The following DAB1 variants were observed in gnomAD, a reference collection of about 807,000 sequenced individuals.
The protein encoded by DAB1 is DAB adaptor protein 1, also known as disabled homolog 1.
A neutral mutation model predicts 64.6 loss-of-function variants in DAB1; 15 were observed. The observed-to-expected ratio is 0.23, with a 90% confidence interval of 0.16 to 0.36. The LOEUF is 0.36. DAB1 is among the 10% of genes least tolerant of loss of function. DAB1 has a pLI of 1.00. For missense variants in DAB1, 596 were observed against 706.7 expected (o/e 0.84, Z 1.78); for synonymous variants, 235 against 251.9 (o/e 0.93, Z 0.64).
chr1:57,796,064 A>G (rs1650847668), intron 6 of DAB1, among the ~76,000 whole-genome samples: 1 of 152,058 alleles, frequency 6.6e-6, no homozygotes, highest in South Asian at 2.1e-4. Context: ...ATAAAATGTA[A>G]TTTATTTATT....
chr1:58,509,759 A>G (rs193159584), intron 2 of DAB1, among the ~76,000 whole-genome samples: 60 of 151,074 alleles, frequency 4.0e-4, no homozygotes, highest in Non-Finnish European at 7.2e-4. Flanking sequence ...TTAGAGTAAG[A>G]AAAAAAAAGA....
intron 4 of DAB1, among the ~76,000 whole-genome samples, chr1:58,287,397 C>T (rs769892921): frequency 2.6e-5 from 4 of 152,212 alleles, no homozygotes; most frequent in Non-Finnish European, 4.4e-5. Context: ...TAACTGGGCT[C>T]AGCTGGGTGG....
intron 3 of DAB1, among the ~76,000 whole-genome samples, chr1:58,426,846 G>A (rs1644825631): frequency 6.6e-6 from 1 of 152,180 alleles, no homozygotes; most frequent in Non-Finnish European, 1.5e-5. Flanking sequence ...GGTGATAAGT[G>A]CTATGGAAAA....
intron 11 of DAB1, among the ~76,000 whole-genome samples, chr1:57,017,850 ACT>A (rs1191650203): frequency 6.6e-6 from 1 of 151,394 alleles, no homozygotes; most frequent in African/African-American, 2.4e-5. Flanking sequence ...GAATCCGGCA[ACT>A]CTGTCTTGTT....
intron 4 of DAB1, among the ~76,000 whole-genome samples, chr1:58,286,683 G>C (rs1196487961): frequency 6.6e-6 from 1 of 152,208 alleles, no homozygotes; most frequent in Non-Finnish European, 1.5e-5. Context: ...TGCTGGCATG[G>C]CTGTGAAGAA....
rs547566153 is a variant in DAB1 at position 57,847,541 on chromosome 1, G to T, written n.88-21086C>A. 3.3e-5 allele frequency among the ~76,000 whole-genome samples: 5 copies of T among 152,126 alleles called. No individual in the cohort carries two copies. The South Asian group carries it at 1.0e-3, about 32-fold the overall frequency. On this transcript the variant is annotated intron_variant and non_coding_transcript_variant, in intron 1 of 1. Coordinates refer to the DAB1 transcript ENST00000477280. ...GTAAAAGAAAAATGAGAGAGAAAAG[G>T]GGAATTGGTGAAAGCTAGGCAAATA...
At chr1:57,226,785 A>T (rs572089012) in intron 2 of DAB1, among the ~76,000 whole-genome samples, 140 of 151,602 alleles carry the variant, frequency 9.2e-4, no homozygotes, top group African/African-American at 3.3e-3. Context: ...TCAGCAGTGG[A>T]ACAAGGATGA....
chr1:57,285,043 C>T (rs1438347528), intron 2 of DAB1, among the ~76,000 whole-genome samples: 1 of 152,142 alleles, frequency 6.6e-6, no homozygotes, highest in African/African-American at 2.4e-5. Flanking sequence ...CTTTTTGTCA[C>T]TGTCATTGTG....
At chr1:57,112,135 A>T (rs1469185363) in intron 4 of DAB1, among the ~76,000 whole-genome samples, 1 of 152,248 alleles carries the variant, frequency 6.6e-6, no homozygotes, top group Non-Finnish European at 1.5e-5. Context: ...AAAAGAAACA[A>T]ACATGGAAAG....
intron 3 of DAB1, among the ~76,000 whole-genome samples, chr1:58,391,540 C>G (rs1644475986): frequency 6.6e-6 from 1 of 152,242 alleles, no homozygotes; most frequent in Admixed American, 6.5e-5. Context: ...TAACATTCCT[C>G]CAGTACACAT....
chr1:57,381,564 T>G (rs1681379004), intron 1 of DAB1, among the ~76,000 whole-genome samples: 2 of 152,186 alleles, frequency 1.3e-5, no homozygotes, highest in Admixed American at 1.3e-4. Flanking sequence ...ATCTCTATTT[T>G]GTTCAGGTCC....
At chr1:57,417,742 C>T (rs912554598) in intron 1 of DAB1, among the ~76,000 whole-genome samples, 3 of 152,104 alleles carry the variant, frequency 2.0e-5, no homozygotes, top group Admixed American at 2.0e-4. Context: ...ATTAGTGTTT[C>T]CTGGGACACA....
At chr1:57,862,489 G>A (rs1334620244) in intron 1 of DAB1, 3 of 152,116 alleles carry the variant, frequency 2.0e-5, no homozygotes, top group Admixed American at 6.6e-5. Context: ...AAACTGCTCC[G>A]CTTAGGGAAC....
At chr1:58,502,378 A>G (rs1005219905) in intron 3 of DAB1, among the ~76,000 whole-genome samples, 1 of 152,128 alleles carries the variant, frequency 6.6e-6, no homozygotes, top group African/African-American at 2.4e-5. Flanking sequence ...CTTTTTCTCT[A>G]ATCACTTCCT....
chr1:57,372,280 T>G (rs891889402), intron 1 of DAB1, among the ~76,000 whole-genome samples: 3 of 152,212 alleles, frequency 2.0e-5, no homozygotes, highest in African/African-American at 7.2e-5. Flanking sequence ...GAGAGAATGG[T>G]GCCCAAGTCT....
At chr1:58,136,262 C>A (rs1653937974) in intron 5 of DAB1, among the ~76,000 whole-genome samples, 1 of 152,130 alleles carries the variant, frequency 6.6e-6, no homozygotes, top group Non-Finnish European at 1.5e-5. Flanking sequence ...GGGGCCTTCT[C>A]CACCCACCAC....
intron 1 of DAB1, chr1:57,876,925 T>C (rs1644057085): frequency 6.6e-6 from 1 of 151,900 alleles, no homozygotes; most frequent in South Asian, 2.1e-4. Context: ...GGGATAGGGA[T>C]TGGAAATGAA....
At chr1:57,368,908 C>T (rs966711674) in intron 1 of DAB1, among the ~76,000 whole-genome samples, 5 of 152,164 alleles carry the variant, frequency 3.3e-5, no homozygotes, top group African/African-American at 1.2e-4. Context: ...TCACTTCCAA[C>T]CTCCCAGACC....
intron 7 of DAB1, among the ~76,000 whole-genome samples, chr1:57,486,958 TA>T (rs566217948): frequency 0.01 from 1,414 of 135,890 alleles, 16 homozygotes; most frequent in African/African-American, 0.027. Flanking sequence ...AATTAAAAAT[TA>T]AAAAAAAAAA....
Sources: allele counts gnomAD v4.1 joint callset (sites outside exome capture counted in the v4.1 genomes callset), GRCh38; gene constraint gnomAD v4.1.1; transcripts MANE v1.5; gene names NCBI Gene and HGNC (gene_info 2026-07-23, HGNC 2026-07-21).